MBD5: variants seen among roughly 807,000 people sequenced by gnomAD.
MBD5 encodes methyl-CpG binding domain protein 5, also known as methyl-CpG-binding domain protein 5.
MBD5 carries 13 observed loss-of-function variants against 117.3 expected under a neutral mutation model. The ratio of observed to expected loss-of-function variants is 0.11; its 90% confidence interval spans 0.07 to 0.18. The LOEUF is 0.18. Among genes scored for constraint, MBD5 ranks in the 10% least tolerant of loss-of-function variants. The probability of loss-of-function intolerance (pLI) is 1.00; values close to 1 mark genes in which losing one functional copy is unlikely to be tolerated. For missense variants in MBD5, 1,879 were observed against 2,093.8 expected, an observed-to-expected ratio of 0.90 and a Z score of 2.00; for synonymous variants, 727 against 766.4, an observed-to-expected ratio of 0.95 and a Z score of 0.85.
chr2:148,441,757 TC>T (rs1389200791), intron 4 of MBD5, among the ~76,000 whole-genome samples: 15 of 151,840 alleles, frequency 9.9e-5, no homozygotes, highest in African/African-American at 3.4e-4. Flanking sequence ...CCACATCCTC[TC>T]CAGCACCTGT....
At chr2:148,222,501 G>C (rs1429628486) in intron 2 of MBD5, among the ~76,000 whole-genome samples, 1 of 151,710 alleles carries the variant, frequency 6.6e-6, no homozygotes, top group Admixed American at 6.6e-5. Flanking sequence ...TTAATTCCTA[G>C]GTATTTATTT....
chr2:148,059,916 G>T (rs1694981318), intron 1 of MBD5, among the ~76,000 whole-genome samples: 1 of 151,482 alleles, frequency 6.6e-6, no homozygotes, highest in South Asian at 2.1e-4. Flanking sequence ...GATCAGAGAG[G>T]ATCTTGGTTA....
At position 148,057,640 on chromosome 2, in the gene MBD5, A is replaced by G. The variant is rs1480829009; in HGVS notation, c.-925+35956A>G. Among the ~76,000 whole-genome samples, 3 of 152,072 alleles carry G rather than the reference A, an allele frequency of 2.0e-5. No individual in the cohort carries two copies. In the South Asian group the frequency reaches 6.2e-4, roughly 32 times the overall value. ...TCTTAGAAACCCATACTGCAATACT[A>G]GAATAAATTTTTTCCAATTTTAAAT... is the stretch of plus-strand genomic sequence containing the variant. On this transcript the variant is annotated intron_variant, in intron 1 of 13. Coordinates refer to ENST00000642680, the MANE Select transcript of MBD5 (RefSeq NM_001378120.1).
chr2:148,433,805 A>G (rs752109489), intron 4 of MBD5, among the ~76,000 whole-genome samples: 1 of 151,872 alleles, frequency 6.6e-6, no homozygotes, highest in Non-Finnish European at 1.5e-5. Context: ...ATTGGCCTGA[A>G]GTTTTCTTTT....
chr2:148,069,094 T>G (rs1291573871), intron 1 of MBD5, among the ~76,000 whole-genome samples: 1 of 152,158 alleles, frequency 6.6e-6, no homozygotes, highest in Non-Finnish European at 1.5e-5. Context: ...TATGGATACA[T>G]GAGAAAAAAA....
At chr2:148,285,939 AT>A (rs948244454) in intron 3 of MBD5, among the ~76,000 whole-genome samples, 2 of 152,056 alleles carry the variant, frequency 1.3e-5, no homozygotes, top group Admixed American at 6.5e-5. Context: ...CACTTTATTC[AT>A]TTTTTTCTAC....
intron 8 of MBD5, among the ~76,000 whole-genome samples, chr2:148,474,421 A>G (rs554364726): frequency 7.0e-4 from 106 of 152,260 alleles, no homozygotes; most frequent in African/African-American, 2.3e-3. Flanking sequence ...TTCTGCCAAC[A>G]TGCTTATTAG....
At chr2:148,309,610 C>G (rs190566711) in intron 3 of MBD5, among the ~76,000 whole-genome samples, 1 of 152,194 alleles carries the variant, frequency 6.6e-6, no homozygotes, top group African/African-American at 2.4e-5. Flanking sequence ...TTGACTTCCT[C>G]TCTTTCTATT....
intron 3 of MBD5, among the ~76,000 whole-genome samples, chr2:148,288,167 G>A (rs1243612091): frequency 1.3e-5 from 2 of 150,234 alleles, no homozygotes; most frequent in South Asian, 2.2e-4. Context: ...TTGGGAGGCC[G>A]AGGCAGGCGG....
At chr2:148,042,161 T>C (rs879262953) in intron 1 of MBD5, among the ~76,000 whole-genome samples, 14 of 152,218 alleles carry the variant, frequency 9.2e-5, no homozygotes, top group Non-Finnish European at 1.6e-4. Context: ...TATAATACTC[T>C]TGCTTTCAAG....
At chr2:148,227,982 T>G (rs188753544) in intron 2 of MBD5, among the ~76,000 whole-genome samples, 5,412 of 152,274 alleles carry the variant, frequency 0.036, 160 homozygotes, top group Middle Eastern at 0.13. Flanking sequence ...CTTTGCTGAA[T>G]TTGCTTATCA....
At chr2:148,439,322 G>A (rs533635910) in intron 4 of MBD5, among the ~76,000 whole-genome samples, 16 of 152,270 alleles carry the variant, frequency 1.1e-4, no homozygotes, top group African/African-American at 3.4e-4. Flanking sequence ...GCCACATTAA[G>A]TATAAACAGA....
chr2:148,028,737 GA>G (rs1573928374), intron 1 of MBD5: 1 of 152,022 alleles, frequency 6.6e-6, no homozygotes, highest in East Asian at 1.9e-4. Context: ...CACTGTGTAA[GA>G]TATAAAATAT....
rs913392813 is a variant in MBD5 at position 148,510,654 on chromosome 2, G to A, written c.5112+519G>A. ...TGTAAATACTTAAAATATAATTTTGGTAATCTGTTAAAAATGTGAATTGTC... is the reference window on the plus strand; with the variant it reads ...TGTAAATACTTAAAATATAATTTTGATAATCTGTTAAAAATGTGAATTGTC... On this transcript the variant is annotated intron_variant, in intron 13 of 13. Coordinates refer to ENST00000642680, the MANE Select transcript of MBD5 (RefSeq NM_001378120.1). Among the ~76,000 whole-genome samples, 99 of 152,298 alleles carry A rather than the reference G, an allele frequency of 6.5e-4. 1 individual carries two copies. Among genetic ancestry groups the A allele is most frequent in the African/African-American group, 2.2e-3 (93 of 41,562 alleles).
chr2:148,312,484 T>C (rs1051485614), intron 3 of MBD5, among the ~76,000 whole-genome samples: 1 of 152,218 alleles, frequency 6.6e-6, no homozygotes, highest in Non-Finnish European at 1.5e-5. Flanking sequence ...TGTTGTGCTG[T>C]GTTTTTCAGC....
chr2:148,456,009 C>T (rs1316372531), intron 4 of MBD5, among the ~76,000 whole-genome samples: 1 of 152,154 alleles, frequency 6.6e-6, no homozygotes, highest in Non-Finnish European at 1.5e-5. Flanking sequence ...CCACAAACTC[C>T]TTGTGAACAG....
At chr2:148,086,524 A>C (rs1456602325) in intron 1 of MBD5, among the ~76,000 whole-genome samples, 1 of 152,190 alleles carries the variant, frequency 6.6e-6, no homozygotes, top group Non-Finnish European at 1.5e-5. Flanking sequence ...TTTTTAAAGT[A>C]TACCTGTCTC....
intron 4 of MBD5, among the ~76,000 whole-genome samples, chr2:148,380,510 C>T (rs1270152454): frequency 6.6e-6 from 1 of 152,098 alleles, no homozygotes; most frequent in African/African-American, 2.4e-5. Flanking sequence ...CTTTGAATAG[C>T]TCATTAACCA....
At chr2:148,330,313 G>T (rs1277079144) in intron 3 of MBD5, among the ~76,000 whole-genome samples, 1 of 152,114 alleles carries the variant, frequency 6.6e-6, no homozygotes, top group Non-Finnish European at 1.5e-5. Context: ...TGTAGACAGA[G>T]AGAGAGAAGG....
Sources: allele counts gnomAD v4.1 joint callset (sites outside exome capture counted in the v4.1 genomes callset), GRCh38; gene constraint gnomAD v4.1.1; transcripts MANE v1.5; gene names NCBI Gene and HGNC (gene_info 2026-07-23, HGNC 2026-07-21).